LAMA2: variants seen among roughly 807,000 people sequenced by gnomAD.
The protein encoded by LAMA2 is laminin subunit alpha 2.
LAMA2 carries 269 observed loss-of-function variants against 364.8 expected under a neutral mutation model. The ratio of observed to expected loss-of-function variants is 0.74; its 90% CI spans 0.67 to 0.82. The LOEUF is 0.82. LAMA2 is among the 40% of genes least tolerant of loss of function. The pLI is 0.00. For missense variants in LAMA2, 3,807 were observed against 3,873.2 expected (o/e 0.98, Z 0.45); for synonymous variants, 1,379 against 1,370.6 (o/e 1.01, Z -0.14).
chr6:129,230,107 G>A (rs572508321), intron 12 of LAMA2, among the ~76,000 whole-genome samples: 12 of 152,176 alleles, frequency 7.9e-5, no homozygotes, highest in Non-Finnish European at 1.6e-4. Flanking sequence ...CTAAGGATTG[G>A]GCCCTATAGC....
chr6:129,190,724 G>A (rs1245575313), intron 11 of LAMA2, among the ~76,000 whole-genome samples: 1 of 152,034 alleles, frequency 6.6e-6, no homozygotes, highest in Non-Finnish European at 1.5e-5. Flanking sequence ...GAAAAACTCT[G>A]TATCATCTGT....
At chr6:128,988,527 G>A (rs186614064) in intron 1 of LAMA2, among the ~76,000 whole-genome samples, 6 of 152,330 alleles carry the variant, frequency 3.9e-5, no homozygotes, top group Admixed American at 3.9e-4. Flanking sequence ...AAGTGCAGCA[G>A]AGATGCTACT....
intron 4 of LAMA2, among the ~76,000 whole-genome samples, chr6:129,128,012 ATTTG>A (rs1450950657): frequency 1.3e-5 from 2 of 152,024 alleles, no homozygotes; most frequent in African/African-American, 4.8e-5. Flanking sequence ...ATATGACCCA[ATTTG>A]TTTGTTTTTA....
At chr6:129,222,892 G>T (rs9388688) in intron 12 of LAMA2, among the ~76,000 whole-genome samples, 20,188 of 152,106 alleles carry the variant, frequency 0.13, 3,358 homozygotes, top group African/African-American at 0.39. Context: ...GGTATTTCTA[G>T]TTCTAGATCC....
chr6:129,479,197 A>G (rs1448993925), intron 54 of LAMA2, among the ~76,000 whole-genome samples: 1 of 152,016 alleles, frequency 6.6e-6, no homozygotes, highest in Non-Finnish European at 1.5e-5. Flanking sequence ...TTCTGGAACC[A>G]TTGAAGTTTA....
chr6:129,316,298 C>A, intron 27 of LAMA2, 127 bp downstream of exon 27: 2 of 748,060 alleles, frequency 2.7e-6, no homozygotes, highest in Non-Finnish European at 4.4e-6. Flanking sequence ...AGAAGATAAA[C>A]CATGGAGGCT....
chr6:128,965,875 G>A (rs2114606121), intron 1 of LAMA2, among the ~76,000 whole-genome samples: 1 of 151,334 alleles, frequency 6.6e-6, no homozygotes, highest in Admixed American at 6.6e-5. Context: ...TGAGTGTAAA[G>A]GCAATAAATT....
At chr6:129,177,930 T>C in intron 10 of LAMA2, 64 bp downstream of exon 10, 1 of 1,526,242 alleles carries the variant, frequency 6.6e-7, no homozygotes, top group Non-Finnish European at 9.1e-7. Flanking sequence ...TTGGCTTCTC[T>C]GTTGATTTCC....
intron 12 of LAMA2, among the ~76,000 whole-genome samples, chr6:129,231,822 G>A (rs1784685577): frequency 6.6e-6 from 1 of 151,964 alleles, no homozygotes; most frequent in Non-Finnish European, 1.5e-5. Flanking sequence ...ATATCATTTA[G>A]TGCATCTTAG....
At chr6:128,949,138 T>C (rs1350551741) in intron 1 of LAMA2, among the ~76,000 whole-genome samples, 1 of 152,186 alleles carries the variant, frequency 6.6e-6, no homozygotes, top group Non-Finnish European at 1.5e-5. Context: ...TTTAATATCA[T>C]TAGAAAGGTG....
intron 1 of LAMA2, among the ~76,000 whole-genome samples, chr6:128,909,105 A>G (rs374227526): frequency 0.13 from 20,044 of 149,348 alleles, 1,741 homozygotes; most frequent in African/African-American, 0.26. Flanking sequence ...AAAAAAATGT[A>G]TATTCTGTTG....
intron 15 of LAMA2, among the ~76,000 whole-genome samples, chr6:129,264,238 C>A (rs1297356312): frequency 6.6e-6 from 1 of 152,072 alleles, no homozygotes; most frequent in African/African-American, 2.4e-5. Flanking sequence ...GATAGTAGAA[C>A]AAATAGGACT....
At chr6:129,233,376 A>G (rs1042039263) in intron 12 of LAMA2, among the ~76,000 whole-genome samples, 18 of 152,218 alleles carry the variant, frequency 1.2e-4, no homozygotes, top group African/African-American at 3.6e-4. Flanking sequence ...CCCTAAAAAC[A>G]TAACTACTAA....
chr6:129,318,933 T>G (rs1774781680), intron 27 of LAMA2, among the ~76,000 whole-genome samples: 3 of 152,182 alleles, frequency 2.0e-5, no homozygotes, highest in African/African-American at 7.2e-5. Flanking sequence ...GTGTTACCAG[T>G]TAGTCCATCA....
chr6:129,250,359 T>C (rs1786090389), intron 13 of LAMA2, 146 bp downstream of exon 13: 3 of 667,008 alleles, frequency 4.5e-6, no homozygotes, highest in African/African-American at 1.8e-5. Flanking sequence ...GTGCCACTCT[T>C]TTGTTTCACT....
At chr6:129,234,796 G>A (rs959915007) in intron 12 of LAMA2, among the ~76,000 whole-genome samples, 3 of 151,870 alleles carry the variant, frequency 2.0e-5, no homozygotes, top group African/African-American at 7.3e-5. Flanking sequence ...AACCACCTAG[G>A]AATATAACAG....
chr6:128,959,497 A>G (rs1002090997), intron 1 of LAMA2, among the ~76,000 whole-genome samples: 4 of 152,186 alleles, frequency 2.6e-5, no homozygotes, highest in East Asian at 3.9e-4. Flanking sequence ...ACCTTACTCT[A>G]TGAACCCCAG....
intron 2 of LAMA2, 47 bp from the exon 3 acceptor site, chr6:129,059,737 A>G (rs1038078095): frequency 5.2e-6 from 6 of 1,160,678 alleles, no homozygotes; most frequent in African/African-American, 3.0e-5. Context: ...TAAACTAGTT[A>G]TATGATCTTT....
chr6:129,440,899 G>C lies in LAMA2; in HGVS notation c.6169G>C (p.Glu2057Gln), dbSNP rs144970030. 6.2e-7 allele frequency: 1 copy of C among 1,613,926 alleles called. No homozygotes were observed. The highest frequency in any genetic ancestry group is 8.5e-7 in the Non-Finnish European group (1 of 1,179,872). ...TAAAGATGTACTGGCACAGATTACAGAGCTCCACCAGAACCTCGATGGCCT... is the reference window on the plus strand; with the variant it reads ...TAAAGATGTACTGGCACAGATTACACAGCTCCACCAGAACCTCGATGGCCT... ...TAKDVLAQIT[E>Q]LHQNLDGLKK... The change falls in exon 43 of 65, where the codon GAG becomes CAG. Residue 2057 changes from glutamate (E) to glutamine (Q), a missense_variant. Physicochemically the swap from Glu to Gln is conservative, Grantham distance 29. Around this residue, in one of 3 missense-constraint regions of LAMA2, gnomAD observed 3,333 missense variants for 3,345.7 expected, o/e 1.00. Coordinates refer to ENST00000421865, the MANE Select transcript of LAMA2 (RefSeq NM_000426.4).
Sources: allele counts gnomAD v4.1 joint callset (sites outside exome capture counted in the v4.1 genomes callset), GRCh38; gene constraint gnomAD v4.1.1; regional missense constraint gnomAD v4.1.1; transcripts MANE v1.5; gene names NCBI Gene and HGNC (gene_info 2026-07-23, HGNC 2026-07-21).